Variants in PDIA5 observed in about 807,000 individuals in gnomAD.
The protein encoded by PDIA5 is protein disulfide isomerase family A member 5, also known as protein disulfide-isomerase A5.
A neutral mutation model predicts 77.6 loss-of-function variants in PDIA5; 58 were observed. That is an observed-to-expected ratio of 0.75 (90% CI 0.61 to 0.93). PDIA5 has a LOEUF of 0.93. Among genes scored for constraint, PDIA5 ranks in the 40% least tolerant of loss-of-function variants. The pLI is 0.00. For synonymous variants in PDIA5, 250 were observed against 252.1 expected (o/e 0.99, Z 0.08); for missense variants, 630 against 647.7 (o/e 0.97, Z 0.30).
chr3:123,136,725 C>CAAAAA (rs59022235), intron 11 of PDIA5, among the ~76,000 whole-genome samples: 213 of 71,506 alleles, frequency 3.0e-3, no homozygotes, highest in East Asian at 9.7e-3. Flanking sequence ...GGTGACAAGA[C>CAAAAA]AAAAAAAAAA....
At chr3:123,112,282 G>C (rs939864632) in intron 7 of PDIA5, among the ~76,000 whole-genome samples, 1 of 152,190 alleles carries the variant, frequency 6.6e-6, no homozygotes, top group African/African-American at 2.4e-5. Flanking sequence ...AGGCAGGTGT[G>C]CCTAGGTGTG....
At chr3:123,094,215 G>A (rs761201881) in intron 3 of PDIA5, among the ~76,000 whole-genome samples, 1 of 149,716 alleles carries the variant, frequency 6.7e-6, no homozygotes, top group Non-Finnish European at 1.5e-5. Flanking sequence ...GCCTCGCTGT[G>A]TTGAATTTAT....
rs543766336 is a variant in PDIA5, at chr3:123,146,219, G to A, written c.1102G>A (p.Val368Met). 2.5e-6 allele frequency: 4 copies of A among 1,614,152 alleles called. No homozygotes were observed. The African/African-American group carries it at 4.0e-5, about 16-fold the overall frequency. ...GAATGGAGAGAAATACGCAGTGCCT[G>A]TGCTCAGGACAAAGAAGAAGTTTCT... ...FKNGEKYAVP[V>M]LRTKKKFLEW... is the part of the protein sequence containing the mutation. The change falls in exon 13 of 17, where the codon GTG becomes ATG. Residue 368 changes from valine to methionine, a missense_variant. Physicochemically the swap from Val to Met is conservative, Grantham distance 21. Transcript: ENST00000316218.
At chr3:123,067,809 CT>C (rs1933615515) in intron 1 of PDIA5, among the ~76,000 whole-genome samples, 1 of 152,238 alleles carries the variant, frequency 6.6e-6, no homozygotes, top group South Asian at 2.1e-4. Flanking sequence ...CACTTTCTAG[CT>C]GTGTGACGCG....
intron 11 of PDIA5, among the ~76,000 whole-genome samples, chr3:123,142,983 C>A (rs139240108): frequency 6.6e-6 from 1 of 152,118 alleles, no homozygotes; most frequent in Non-Finnish European, 1.5e-5. Context: ...TTAATTAGGT[C>A]TCTTCATTGC....
At chr3:123,151,617 C>T (rs556338415) in intron 14 of PDIA5, among the ~76,000 whole-genome samples, 13 of 152,376 alleles carry the variant, frequency 8.5e-5, no homozygotes, top group Admixed American at 5.2e-4. Context: ...TCATAGCAGA[C>T]ATAAGCCCCC....
Position 123,124,049 on chromosome 3 carries a change from TCTC to T in PDIA5, c.610-15_610-13del. 1.3e-6 allele frequency: 2 copies of T among 1,585,792 alleles called. No homozygotes were observed. Among genetic ancestry groups the T allele is most frequent in the South Asian group, 2.2e-5 (2 of 90,468 alleles). On this transcript the variant is annotated splice_polypyrimidine_tract_variant and intron_variant, in intron 8 of 16. Coordinates refer to ENST00000316218, the MANE Select transcript of PDIA5 (RefSeq NM_006810.4). Reference sequence around the variant, plus strand: ...TGGGGCACAGGCTCCACACGGCTCTTCTCCGCTTCCTCCCAGGTGCTGGCCGGG... The same window carrying T: ...TGGGGCACAGGCTCCACACGGCTCTTCGCTTCCTCCCAGGTGCTGGCCGGG...
At chr3:123,128,156 C>T (rs1007374089) in intron 10 of PDIA5, among the ~76,000 whole-genome samples, 4 of 152,204 alleles carry the variant, frequency 2.6e-5, no homozygotes, top group Non-Finnish European at 5.9e-5. Context: ...CTCCAGTGAC[C>T]GCTAAACCCT....
chr3:123,136,468 T>C (rs1230045209), intron 11 of PDIA5, among the ~76,000 whole-genome samples: 2 of 151,946 alleles, frequency 1.3e-5, no homozygotes, highest in Admixed American at 1.3e-4. Context: ...TGGCTGGGCA[T>C]GGTGGCTCAC....
intron 3 of PDIA5, 24 bp from the exon 4 acceptor site, chr3:123,102,387 G>T: frequency 6.3e-7 from 1 of 1,589,722 alleles, no homozygotes; most frequent in East Asian, 2.2e-5. Flanking sequence ...GTAATAAATG[G>T]TTCCCAACAT....
At chr3:123,125,762 C>G (rs991038535) in intron 10 of PDIA5, among the ~76,000 whole-genome samples, 5 of 152,212 alleles carry the variant, frequency 3.3e-5, no homozygotes, top group Admixed American at 6.5e-5. Flanking sequence ...AGTGCTAGCA[C>G]ATGTTTGCAT....
intron 1 of PDIA5, among the ~76,000 whole-genome samples, chr3:123,087,470 A>ATT (rs145616985): frequency 0.066 from 8,232 of 124,110 alleles, 437 homozygotes; most frequent in African/African-American, 0.17. Context: ...TTTCTAGGAG[A>ATT]TTTTTTTTTT....
intron 10 of PDIA5, among the ~76,000 whole-genome samples, chr3:123,127,015 G>A (rs1428295438): frequency 6.6e-5 from 10 of 152,212 alleles, no homozygotes; most frequent in Non-Finnish European, 1.5e-4. Context: ...CAGACAGGTG[G>A]AGGGGTACAT....
At chr3:123,110,901 T>C (rs1560522422) in intron 6 of PDIA5, 43 bp from the exon 7 acceptor site, 1 of 1,512,382 alleles carries the variant, frequency 6.6e-7, no homozygotes, top group Non-Finnish European at 9.2e-7. Flanking sequence ...ATCCTGTTAC[T>C]GTGTTGTGTG....
chr3:123,124,209 C>G (rs770376717), intron 9 of PDIA5, 52 bp downstream of exon 9: 2 of 1,568,248 alleles, frequency 1.3e-6, no homozygotes, highest in South Asian at 1.1e-5. Flanking sequence ...GGTGATTGAC[C>G]ATAATCTCAG....
At chr3:123,102,054 C>T (rs999967156) in intron 3 of PDIA5, among the ~76,000 whole-genome samples, 4 of 151,860 alleles carry the variant, frequency 2.6e-5, no homozygotes, top group Non-Finnish European at 5.9e-5. Flanking sequence ...GGATTACAGG[C>T]ACGTACCACC....
Position 123,124,112 on chromosome 3 carries a change from A to C in PDIA5, c.656A>C (p.Lys219Thr). ...NVYSSEFENI[K>T]EEYSVRGFPT... ...TACTCCTCTGAATTTGAAAACATCA[A>C]GGAGGAGTACAGCGTGCGCGGCTTC... The change falls in exon 9 of 17, where the codon AAG becomes ACG. Residue 219 changes from lysine (K) to threonine (T), a missense_variant. Coordinates refer to ENST00000316218, the MANE Select transcript of PDIA5 (RefSeq NM_006810.4). 6.2e-7 allele frequency: 1 copy of C among 1,614,108 alleles called. No homozygotes were observed. The highest frequency in any genetic ancestry group is 1.1e-5 in the South Asian group (1 of 91,082).
In PDIA5 at chr3:123,161,371, C is replaced by T; in HGVS notation, c.1395C>T (p.Cys465=). The T allele has an allele frequency of 1.9e-6, 3 of 1,614,130 alleles. No individual in the cohort carries two copies. The highest frequency in any genetic ancestry group is 3.3e-5 in the Admixed American group (2 of 60,020). ...TCAAAGACAAGAACCAAGACCTGTG[C>T]CAGCAGGAGGCGGTCAAGGGCTACC... is the stretch of plus-strand genomic sequence containing the variant. ...DCVKDKNQDL[C]QQEAVKGYPT... The change falls in exon 16 of 17, where the codon TGC becomes TGT. Residue 465 remains cysteine, a synonymous_variant. Coordinates refer to ENST00000316218, the MANE Select transcript of PDIA5 (RefSeq NM_006810.4).
intron 3 of PDIA5, among the ~76,000 whole-genome samples, chr3:123,093,862 G>A (rs940263289): frequency 2.0e-5 from 3 of 152,154 alleles, no homozygotes; most frequent in South Asian, 2.1e-4. Flanking sequence ...ACAATACCAC[G>A]CGCTCACAGT....
Sources: gnomAD v4.1 joint callset for allele counts (sites outside exome capture counted in the v4.1 genomes callset) on GRCh38, gnomAD v4.1.1 for gene constraint, MANE v1.5 for transcripts, NCBI Gene and HGNC (gene_info 2026-07-23, HGNC 2026-07-21) for gene names.